ERMP1: variants seen among roughly 807,000 people sequenced by gnomAD.
The protein encoded by ERMP1 is Felix-ina.
A neutral mutation model predicts 92.0 loss-of-function variants in ERMP1; 86 were observed. The observed-to-expected ratio is 0.93, with a 90% CI of 0.79 to 1.12. ERMP1 has a LOEUF of 1.12. Among genes scored for constraint, ERMP1 ranks in the 50% most tolerant of loss-of-function variants. The pLI is 0.00. For missense variants in ERMP1, 1,342 were observed against 1,116.3 expected (o/e 1.20, Z -2.88); for synonymous variants, 530 against 412.8 (o/e 1.28, Z -3.44).
At chr9:5,828,312 A>C (rs1829804674) in intron 2 of ERMP1, among the ~76,000 whole-genome samples, 2 of 152,206 alleles carry the variant, frequency 1.3e-5, no homozygotes, top group Non-Finnish European at 2.9e-5. Context: ...GCTGAAGGCA[A>C]CTGAGAAGCA....
At chr9:5,863,578 T>A (rs1003261191) in intron 5 of ERMP1, among the ~76,000 whole-genome samples, 1 of 152,120 alleles carries the variant, frequency 6.6e-6, no homozygotes, top group Non-Finnish European at 1.5e-5. Context: ...AGGTCCTCCT[T>A]CCCTGTCTGG....
At chr9:5,792,704 C>T (rs139434766) in intron 13 of ERMP1, among the ~76,000 whole-genome samples, 2 of 152,106 alleles carry the variant, frequency 1.3e-5, no homozygotes, top group African/African-American at 4.8e-5. Context: ...TGATAGAATC[C>T]CAGGGAGGGA....
intron 5 of ERMP1, 158 bp downstream of exon 5, chr9:5,812,730 TA>T (rs1331495080): frequency 2.5e-6 from 2 of 814,604 alleles, no homozygotes; most frequent in Non-Finnish European, 4.0e-6. Context: ...GTATGGAGTT[TA>T]AAAAAGGAAA....
upstream of ERMP1, among the ~76,000 whole-genome samples, chr9:5,833,562 G>A (rs1348917277): frequency 6.6e-6 from 1 of 152,148 alleles, no homozygotes; most frequent in Non-Finnish European, 1.5e-5. Context: ...CTTAATCTGT[G>A]CTATTACTGT....
intron 13 of ERMP1, among the ~76,000 whole-genome samples, chr9:5,793,739 GA>G (rs1307026431): frequency 5.3e-5 from 8 of 152,076 alleles, no homozygotes; most frequent in Non-Finnish European, 1.2e-4. Flanking sequence ...AGTTCTCTAA[GA>G]AGACATAACA....
At position 5,805,213 on chromosome 9, in the gene ERMP1, G is replaced by A. The variant is rs746903826; in HGVS notation, c.1728C>T (p.Ala576=). 11 of 1,600,910 alleles carry A rather than the reference G, an allele frequency of 6.9e-6. No homozygotes were observed. Among genetic ancestry groups the A allele is most frequent in the South Asian group, 6.8e-5 (6 of 88,874 alleles). The change falls in exon 10 of 15, where the codon GCC becomes GCT. Residue 576 remains alanine, a synonymous_variant. Transcript: ENST00000339450. ...CVHKDFKQHG[A]QGKFIAFYLL... The stretch of plus-strand genomic sequence containing the variant: ...GGTAAAAAGCAATAAATTTTCCTTG[G>A]GCACCTAGGGAAAAAGAGAAAAAAA...
chr9:5,830,799 G>C lies in ERMP1; in HGVS notation c.568C>G (p.Leu190Val), dbSNP rs1305029251. The C allele has an allele frequency of 1.2e-6, 2 of 1,614,022 alleles. No homozygotes were observed. The highest frequency in any genetic ancestry group is 1.3e-5 in the African/African-American group (1 of 74,912). The stretch of plus-strand genomic sequence containing the variant: ...TGCTGGGCTCCATCTCTGGGTTCCA[G>C]CTTTACCACAACATTGGTGATGTTG... Reference protein sequence around the residue: ...YDNITNVVVKLEPRDGAQHAV... With the variant: ...YDNITNVVVKVEPRDGAQHAV... Residue 190 changes from leucine (L) to valine (V), a missense_variant, in exon 2 of 15, where the codon CTG (leucine) becomes GTG (valine). Leu to Val is a conservative substitution (Grantham distance 32, BLOSUM62 1). Transcript: ENST00000339450.
At position 5,786,833 on chromosome 9, in the gene ERMP1, G is replaced by C. The variant is rs944086062; in HGVS notation, c.*311C>G. On this transcript the variant is annotated 3_prime_UTR_variant, in exon 15 of 15. Coordinates refer to ENST00000339450, the MANE Select transcript of ERMP1 (RefSeq NM_024896.3). The stretch of plus-strand genomic sequence containing the variant: ...AGTGTACATCTTTCTTGATCCTAAA[G>C]GGGCAGCTATTGAAGTGGATTGTTG... 1 of 200,166 alleles carries C rather than the reference G, an allele frequency of 5.0e-6. No individual in the cohort carries two copies. Among genetic ancestry groups the C allele is most frequent in the African/African-American group, 2.3e-5 (1 of 43,010 alleles). The allele number at this position is 200,166 out of a possible 1,614,324, so 12.4% of individuals were successfully genotyped here.
intron 4 of ERMP1, among the ~76,000 whole-genome samples, chr9:5,820,392 T>G (rs1829486505): frequency 6.6e-6 from 1 of 152,234 alleles, no homozygotes; most frequent in Admixed American, 6.5e-5. Context: ...TATTAATGTT[T>G]GCATTTAGAA....
At chr9:5,840,913 A>G (rs1182846346) in intron 6 of ERMP1, among the ~76,000 whole-genome samples, 1 of 152,258 alleles carries the variant, frequency 6.6e-6, no homozygotes. Context: ...GAAAATGCTT[A>G]GCCAAGTTCT....
intron 11 of ERMP1, among the ~76,000 whole-genome samples, chr9:5,800,388 A>C (rs756550016): frequency 9.9e-5 from 15 of 152,176 alleles, no homozygotes; most frequent in Non-Finnish European, 1.5e-4. Context: ...ATAAGTCCTC[A>C]AACTGGCCAG....
chr9:5,815,893 C>T (rs962115273), intron 4 of ERMP1, among the ~76,000 whole-genome samples: 2 of 151,792 alleles, frequency 1.3e-5, no homozygotes, highest in South Asian at 2.1e-4. Context: ...TGGGGAAATA[C>T]GTACATTACG....
intron 4 of ERMP1, among the ~76,000 whole-genome samples, chr9:5,819,279 T>C (rs543562703): frequency 1.3e-4 from 20 of 152,280 alleles, no homozygotes; most frequent in Admixed American, 6.5e-5. Flanking sequence ...TGGATGAACC[T>C]TGTGAAAGCT....
chr9:5,811,348 AGAAAG>A lies in ERMP1; in HGVS notation c.1115-30_1115-26del, dbSNP rs1829085464. 2.6e-6 allele frequency: 4 copies of A among 1,510,602 alleles called. No homozygotes were observed. The African/African-American group carries it at 4.2e-5, about 16-fold the overall frequency. The allele number at this position is 1,510,602 out of a possible 1,614,324, so 93.6% of individuals were successfully genotyped here. On this transcript the variant is annotated intron_variant, in intron 6 of 14. Coordinates refer to ENST00000339450, the MANE Select transcript of ERMP1 (RefSeq NM_024896.3). ...CCTATTAGTAAAAACAAAAAAAAAA[AGAAAG>A]AAAAGGAAAAAGATAAAAAGGCTGA...
chr9:5,800,209 A>G (rs1293984010), intron 11 of ERMP1, among the ~76,000 whole-genome samples: 2 of 152,226 alleles, frequency 1.3e-5, no homozygotes, highest in Admixed American at 6.5e-5. Flanking sequence ...CACAAACATG[A>G]GAAAGGGATG....
At chr9:5,810,974 A>G (rs749050473) in intron 7 of ERMP1, 137 bp downstream of exon 7, 4 of 576,756 alleles carry the variant, frequency 6.9e-6, no homozygotes, top group Non-Finnish European at 1.2e-5. Flanking sequence ...TTAATATTTA[A>G]AAATTTCTTA....
chr9:5,792,876 A>G (rs1828258663), intron 13 of ERMP1, among the ~76,000 whole-genome samples: 1 of 152,220 alleles, frequency 6.6e-6, no homozygotes, highest in Non-Finnish European at 1.5e-5. Context: ...GCTCAATTAA[A>G]ACCTGAGAAG....
intron 6 of ERMP1, among the ~76,000 whole-genome samples, chr9:5,849,206 A>G (rs928838480): frequency 3.3e-5 from 5 of 152,098 alleles, no homozygotes; most frequent in Non-Finnish European, 5.9e-5. Context: ...TATTTTTAGT[A>G]GAGACAGGGT....
At chr9:5,823,283 A>T (rs566696675) in intron 4 of ERMP1, among the ~76,000 whole-genome samples, 5 of 152,256 alleles carry the variant, frequency 3.3e-5, no homozygotes, top group East Asian at 1.9e-4. Flanking sequence ...TCTCTAAAAA[A>T]ACAATAAAAT....
Sources: allele counts gnomAD v4.1 joint callset (sites outside exome capture counted in the v4.1 genomes callset), GRCh38; gene constraint gnomAD v4.1.1; transcripts MANE v1.5; gene names NCBI Gene and HGNC (gene_info 2026-07-23, HGNC 2026-07-21).